TRIM71: variants seen among roughly 807,000 people sequenced by gnomAD.
TRIM71 encodes the protein E3 ubiquitin-protein ligase TRIM71.
TRIM71 carries 9 observed loss-of-function variants against 61.2 expected under a neutral mutation model. The ratio of observed to expected loss-of-function variants is 0.15; its 90% CI spans 0.09 to 0.26. The LOEUF (loss-of-function observed/expected upper bound fraction) is 0.26, where lower values mean the gene tolerates loss of function less well. Ranked by LOEUF, TRIM71 falls within the 10% of genes least tolerant of loss-of-function variation. The probability of loss-of-function intolerance (pLI) is 1.00; values close to 1 mark genes in which losing one functional copy is unlikely to be tolerated. For missense variants in TRIM71, 998 were observed against 1,238.7 expected, an observed-to-expected ratio of 0.81 and a Z score of 2.92; for synonymous variants, 645 against 553.2, an observed-to-expected ratio of 1.17 and a Z score of -2.33.
intron 1 of TRIM71, among the ~76,000 whole-genome samples, chr3:32,833,977 G>A (rs1575343181): frequency 1.3e-5 from 2 of 152,256 alleles, no homozygotes; most frequent in South Asian, 4.1e-4. Context: ...AGCTTGAAAA[G>A]AGCCTTCAGG....
At chr3:32,820,699 T>C (rs1361380852) in intron 1 of TRIM71, among the ~76,000 whole-genome samples, 2 of 152,182 alleles carry the variant, frequency 1.3e-5, no homozygotes, top group African/African-American at 4.8e-5. Context: ...CAGTAGATGC[T>C]CAGTGTTGGC....
intron 1 of TRIM71, among the ~76,000 whole-genome samples, chr3:32,839,304 C>T (rs1696375938): frequency 6.6e-6 from 1 of 151,936 alleles, no homozygotes; most frequent in Non-Finnish European, 1.5e-5. Context: ...CATCTCGGCT[C>T]ACTGCAACCT....
chr3:32,838,967 CTTTTTG>C lies in TRIM71; in HGVS notation c.852+20037_852+20042del, dbSNP rs1696372296. ...AGGTGCATGGCACCACGCCTGGCTA[CTTTTTG>C]TATTTTTAATAGAGTCGGGGTTTCA... On this transcript the variant is annotated intron_variant, in intron 1 of 3. Transcript: ENST00000383763. 2.7e-5 allele frequency among the ~76,000 whole-genome samples: 4 copies of C among 149,780 alleles called. No homozygotes were observed. The South Asian group carries it at 8.5e-4, about 32-fold the overall frequency.
chr3:32,858,791 A>G (rs1696634174), intron 1 of TRIM71, among the ~76,000 whole-genome samples: 1 of 152,212 alleles, frequency 6.6e-6, no homozygotes, highest in Non-Finnish European at 1.5e-5. Context: ...GTTCAGGGCC[A>G]GATGGAGCAA....
chr3:32,835,645 CTCCT>C (rs535375147), intron 1 of TRIM71, among the ~76,000 whole-genome samples: 99 of 152,256 alleles, frequency 6.5e-4, no homozygotes, highest in Middle Eastern at 6.8e-3. Context: ...TTTTTCATTT[CTCCT>C]TCCTTCACCA....
intron 1 of TRIM71, among the ~76,000 whole-genome samples, chr3:32,835,138 G>C (rs1171283869): frequency 2.0e-5 from 3 of 152,190 alleles, no homozygotes; most frequent in Non-Finnish European, 4.4e-5. Context: ...GTTAAGCTCT[G>C]GTTTGAGAGA....
intron 1 of TRIM71, among the ~76,000 whole-genome samples, chr3:32,821,211 T>C (rs552618437): frequency 1.3e-5 from 2 of 152,320 alleles, no homozygotes; most frequent in South Asian, 4.1e-4. Context: ...TGGAGGATGA[T>C]AGACTGACCC....
intron 1 of TRIM71, among the ~76,000 whole-genome samples, chr3:32,852,790 T>C (rs947657047): frequency 5.3e-5 from 8 of 151,610 alleles, no homozygotes; most frequent in Non-Finnish European, 1.2e-4. Flanking sequence ...ACAAACTTTA[T>C]CTGGTATTTA....
intron 2 of TRIM71, among the ~76,000 whole-genome samples, chr3:32,878,147 C>T (rs1250583468): frequency 2.6e-5 from 4 of 152,338 alleles, no homozygotes; most frequent in East Asian, 1.9e-4. Flanking sequence ...ACTTCTTGAT[C>T]CACGGGCTGT....
In TRIM71 at chr3:32,879,675, A is replaced by T. The variant is rs992683528; in HGVS notation, c.1020+5690A>T. ...TTGCCACAAATCTTCAATTTCTTAAAAAAAAAAAAAAAACTGGCTGAGTAC... is the reference window on the plus strand; with the variant it reads ...TTGCCACAAATCTTCAATTTCTTAATAAAAAAAAAAAAACTGGCTGAGTAC... On this transcript the variant is annotated intron_variant, in intron 2 of 3. Coordinates refer to ENST00000383763, the MANE Select transcript of TRIM71 (RefSeq NM_001039111.3). Among the ~76,000 whole-genome samples, 41 of 31,872 alleles carry T rather than the reference A, an allele frequency of 1.3e-3. No homozygotes were observed. In the East Asian group the frequency reaches 0.13, roughly 101 times the overall value. 20.9% of individuals were successfully genotyped at this position (31,872 alleles called of 152,430 possible).
rs1697081282 is a variant in TRIM71, at chr3:32,896,718, G to C, written c.*4907G>C. ...CATTTAACCAATAATGGTTCTAAAA[G>C]TTTTGTGTATCCACATGGTCTTAGA... On this transcript the variant is annotated 3_prime_UTR_variant, in exon 4 of 4. Coordinates refer to ENST00000383763, the MANE Select transcript of TRIM71 (RefSeq NM_001039111.3). 1.3e-5 allele frequency: 2 copies of C among 152,170 alleles called. No homozygotes were observed. Among genetic ancestry groups the C allele is most frequent in the African/African-American group, 4.8e-5 (2 of 41,436 alleles). 9.4% of individuals were successfully genotyped at this position (152,170 alleles called of 1,614,324 possible). A position where few individuals can be genotyped will look rare whatever the true frequency, so the allele number is the denominator to read the frequency against.
At chr3:32,878,574 C>T (rs1198457649) in intron 2 of TRIM71, among the ~76,000 whole-genome samples, 1 of 152,104 alleles carries the variant, frequency 6.6e-6, no homozygotes, top group Non-Finnish European at 1.5e-5. Flanking sequence ...GAGATTGCAC[C>T]ATTGCACTCC....
rs373753231 is a variant in TRIM71, at chr3:32,891,935, C to CTT, written c.*135_*136dup. On this transcript the variant is annotated 3_prime_UTR_variant, in exon 4 of 4. Transcript: ENST00000383763. The surrounding 1 kb of genome is among the most constrained non-coding windows in gnomAD (Gnocchi z 8.2). ...ACAGTCTCAGGGAAATTTCTTTTTTCTTTTTTTTTTTTAAAGAGAACAAGA... is the reference window on the plus strand; with the variant it reads ...ACAGTCTCAGGGAAATTTCTTTTTTCTTTTTTTTTTTTTTAAAGAGAACAAGA... The CTT allele has an allele frequency of 1.8e-4, 197 of 1,075,602 alleles. No individual in the cohort carries two copies. Among genetic ancestry groups the CTT allele is most frequent in the Middle Eastern group, 6.9e-4 (2 of 2,882 alleles). The allele number at this position is 1,075,602 out of a possible 1,614,324, so 66.6% of individuals were successfully genotyped here.
chr3:32,818,767 C>G lies in TRIM71; in HGVS notation c.687C>G (p.Arg229=). The change falls in exon 1 of 4, where the codon CGC becomes CGG. Residue 229 remains arginine (R), a synonymous_variant. Coordinates refer to ENST00000383763, the MANE Select transcript of TRIM71 (RefSeq NM_001039111.3). ...ACAACTGCGTCCGAGCGCACCAGCG[C>G]GTGCGCCTCACCAAGGACCACTACA... ...LCDNCVRAHQ[R]VRLTKDHYIE... The G allele has an allele frequency of 6.2e-7, 1 of 1,606,934 alleles. No individual in the cohort carries two copies. Among genetic ancestry groups the G allele is most frequent in the Non-Finnish European group, 8.5e-7 (1 of 1,178,448 alleles).
At chr3:32,829,127 G>C (rs1008699813) in intron 1 of TRIM71, among the ~76,000 whole-genome samples, 3 of 151,630 alleles carry the variant, frequency 2.0e-5, no homozygotes, top group African/African-American at 7.3e-5. Flanking sequence ...CTGAGTAGCT[G>C]GGAGTACAGG....
At chr3:32,885,082 A>T (rs191655415) in intron 2 of TRIM71, among the ~76,000 whole-genome samples, 41 of 152,250 alleles carry the variant, frequency 2.7e-4, no homozygotes, top group Admixed American at 2.4e-3. Context: ...CCCTCAGTAC[A>T]GAGCAAACTG....
chr3:32,829,476 T>C (rs1298256074), intron 1 of TRIM71, among the ~76,000 whole-genome samples: 2 of 152,150 alleles, frequency 1.3e-5, no homozygotes, highest in Admixed American at 6.5e-5. Flanking sequence ...GATGCCCTGC[T>C]GTCACCACTA....
At chr3:32,844,906 T>G (rs1484717673) in intron 1 of TRIM71, among the ~76,000 whole-genome samples, 1 of 152,128 alleles carries the variant, frequency 6.6e-6, no homozygotes, top group African/African-American at 2.4e-5. Flanking sequence ...TTAATGACAT[T>G]GGGATGGAAA....
At chr3:32,839,742 A>G (rs1207879191) in intron 1 of TRIM71, among the ~76,000 whole-genome samples, 1 of 151,758 alleles carries the variant, frequency 6.6e-6, no homozygotes, top group African/African-American at 2.4e-5. Context: ...CTCATGTCTA[A>G]TTCTTCCCTC....
Sources: allele counts gnomAD v4.1 joint callset (sites outside exome capture counted in the v4.1 genomes callset), GRCh38; gene constraint gnomAD v4.1.1; non-coding constraint Gnocchi (gnomAD v3.1); transcripts MANE v1.5; gene names NCBI Gene and HGNC (gene_info 2026-07-23, HGNC 2026-07-21).